GRID1: variants seen among roughly 807,000 people sequenced by gnomAD.
GRID1 encodes glutamate receptor ionotropic, delta-1.
In GRID1, 28 loss-of-function variants were observed where a neutral mutation model predicts 98.0. The observed-to-expected ratio is 0.29, with a 90% CI of 0.21 to 0.39. The LOEUF (loss-of-function observed/expected upper bound fraction) is 0.39, where lower values mean the gene tolerates loss of function less well. Ranked by LOEUF, GRID1 falls within the 10% of genes least tolerant of loss-of-function variation. The probability of loss-of-function intolerance (pLI) is 1.00; values close to 1 mark genes in which losing one functional copy is unlikely to be tolerated. For missense variants in GRID1, 1,111 were observed against 1,340.5 expected (o/e 0.83, Z 2.67); for synonymous variants, 553 against 538.5 (o/e 1.03, Z -0.37).
intron 8 of GRID1, among the ~76,000 whole-genome samples, chr10:85,803,281 A>G (rs1842593981): frequency 6.6e-6 from 1 of 152,136 alleles, no homozygotes; most frequent in Non-Finnish European, 1.5e-5. Flanking sequence ...GAGGATGGAT[A>G]CATTCCCCAT....
chr10:85,881,823 C>G (rs1032113281), intron 5 of GRID1, among the ~76,000 whole-genome samples: 1 of 152,154 alleles, frequency 6.6e-6, no homozygotes, highest in African/African-American at 2.4e-5. Context: ...AAACTACCAT[C>G]AGAGTGAACA....
At chr10:86,336,383 A>G (rs1351397523) in intron 2 of GRID1, among the ~76,000 whole-genome samples, 2 of 152,216 alleles carry the variant, frequency 1.3e-5, no homozygotes, top group Non-Finnish European at 2.9e-5. Context: ...GACATCCAGG[A>G]AACAGAAGGC....
intron 8 of GRID1, among the ~76,000 whole-genome samples, chr10:85,851,403 T>G (rs954483307): frequency 1.3e-5 from 2 of 152,168 alleles, no homozygotes; most frequent in African/African-American, 4.8e-5. Context: ...GCTCACTCAC[T>G]AAAAACGCAC....
rs575039374 is a variant in GRID1, at chr10:85,731,541, C to G, written c.1234-1927G>C. ...ATAGGCTGAGAGCTGTGGCTTATGC[C>G]TGCAATCCCAGCATTTCGGGAGGCC... On this transcript the variant is annotated intron_variant, in intron 8 of 15. Transcript: ENST00000327946. Among the ~76,000 whole-genome samples, 8 of 151,874 alleles carry G rather than the reference C, an allele frequency of 5.3e-5. No homozygotes were observed. In the South Asian group the frequency reaches 1.7e-3, roughly 32 times the overall value.
chr10:86,153,443 A>C (rs1488563192), intron 3 of GRID1, among the ~76,000 whole-genome samples: 1 of 152,256 alleles, frequency 6.6e-6, no homozygotes, highest in Non-Finnish European at 1.5e-5. Flanking sequence ...ATAAATACAC[A>C]AAGTTCATCA....
intron 4 of GRID1, among the ~76,000 whole-genome samples, chr10:86,114,422 G>A (rs562090836): frequency 6.6e-6 from 1 of 152,326 alleles, no homozygotes; most frequent in Admixed American, 6.5e-5. Flanking sequence ...TGCTCCCACA[G>A]CCCTGTGAAG....
intron 2 of GRID1, among the ~76,000 whole-genome samples, chr10:86,298,533 G>A (rs530791824): frequency 4.6e-5 from 7 of 152,276 alleles, no homozygotes; most frequent in Non-Finnish European, 7.4e-5. Context: ...AGCCCTGGCC[G>A]TTCTTGTGAG....
At chr10:85,731,384 G>C (rs1277272611) in intron 8 of GRID1, among the ~76,000 whole-genome samples, 2 of 150,158 alleles carry the variant, frequency 1.3e-5, no homozygotes, top group Non-Finnish European at 3.0e-5. Context: ...TTGAGATAAA[G>C]AACAAGTGAA....
chr10:85,781,284 T>TG (rs1333515522), intron 8 of GRID1, among the ~76,000 whole-genome samples: 1 of 152,240 alleles, frequency 6.6e-6, no homozygotes, highest in African/African-American at 2.4e-5. Flanking sequence ...CTAATTCCCC[T>TG]GGACTTCTGA....
chr10:85,622,315 A>G (rs68133158), intron 13 of GRID1, among the ~76,000 whole-genome samples: 18,187 of 151,552 alleles, frequency 0.12, 1,244 homozygotes, highest in Non-Finnish European at 0.15. Flanking sequence ...CGGAGGAGAC[A>G]GTAGGAGCTG....
intron 4 of GRID1, among the ~76,000 whole-genome samples, chr10:86,098,239 T>A (rs1384657261): frequency 6.6e-6 from 1 of 152,236 alleles, no homozygotes; most frequent in African/African-American, 2.4e-5. Flanking sequence ...ACACAACCAT[T>A]GTTAACATTT....
At chr10:85,871,158 C>T (rs1412128091) in intron 5 of GRID1, among the ~76,000 whole-genome samples, 1 of 152,134 alleles carries the variant, frequency 6.6e-6, no homozygotes, top group Non-Finnish European at 1.5e-5. Flanking sequence ...GCATTTAATC[C>T]TCCTAGCCGA....
chr10:85,959,644 G>A lies in GRID1; in HGVS notation c.727-43405C>T, dbSNP rs981451670. 5.3e-5 allele frequency among the ~76,000 whole-genome samples: 8 copies of A among 152,036 alleles called. No individual in the cohort carries two copies. The East Asian group carries it at 1.2e-3, about 22-fold the overall frequency. On this transcript the variant is annotated intron_variant, in intron 4 of 15. Transcript: ENST00000327946. ...TGATACATAAGGTACTCTTTTTCCG[G>A]TCTGGCTTCTTTTGCTCAGCATAAT...
chr10:86,123,588 C>G (rs1298294197), intron 4 of GRID1, among the ~76,000 whole-genome samples: 1 of 152,220 alleles, frequency 6.6e-6, no homozygotes, highest in Non-Finnish European at 1.5e-5. Flanking sequence ...CTGCACTGGG[C>G]TTGGTAGCAG....
At chr10:86,270,508 G>A (rs937537480) in intron 2 of GRID1, among the ~76,000 whole-genome samples, 4 of 152,250 alleles carry the variant, frequency 2.6e-5, no homozygotes, top group Middle Eastern at 6.8e-3. Context: ...TGGCCAACAT[G>A]GTGCAGCCCT....
intron 2 of GRID1, among the ~76,000 whole-genome samples, chr10:86,213,184 G>A (rs1287438661): frequency 2.0e-5 from 3 of 152,044 alleles, no homozygotes; most frequent in Non-Finnish European, 2.9e-5. Flanking sequence ...TATGTAGCCT[G>A]GCTGCTGAAA....
chr10:86,308,394 G>T (rs1847787992), intron 2 of GRID1, among the ~76,000 whole-genome samples: 1 of 152,220 alleles, frequency 6.6e-6, no homozygotes, highest in African/African-American at 2.4e-5. Flanking sequence ...ACAGGTCATT[G>T]CTTCTGTACA....
intron 4 of GRID1, among the ~76,000 whole-genome samples, chr10:86,001,754 G>A (rs527301008): frequency 1.3e-4 from 20 of 152,270 alleles, no homozygotes; most frequent in African/African-American, 4.1e-4. Flanking sequence ...CAGCTGCATC[G>A]AGTGTATTAG....
At chr10:86,246,946 G>A (rs1280843465) in intron 2 of GRID1, among the ~76,000 whole-genome samples, 1 of 152,266 alleles carries the variant, frequency 6.6e-6, no homozygotes, top group Non-Finnish European at 1.5e-5. Flanking sequence ...CACTAAATAT[G>A]GCCCCATAAG....
Sources: allele counts gnomAD v4.1 joint callset (sites outside exome capture counted in the v4.1 genomes callset), GRCh38; gene constraint gnomAD v4.1.1; transcripts MANE v1.5; gene names NCBI Gene and HGNC (gene_info 2026-07-23, HGNC 2026-07-21).